FER: variants seen among roughly 807,000 people sequenced by gnomAD.
FER encodes the protein FER tyrosine kinase, also known as tyrosine-protein kinase Fer.
FER carries 63 observed loss-of-function variants against 111.0 expected under a neutral mutation model. The ratio of observed to expected loss-of-function variants is 0.57; its 90% CI spans 0.46 to 0.70. The LOEUF is 0.70. Among genes scored for constraint, FER ranks in the 30% least tolerant of loss-of-function variants. FER has a pLI of 0.00. For synonymous variants in FER, 327 were observed against 313.9 expected, an observed-to-expected ratio of 1.04 and a Z score of -0.44; for missense variants, 914 against 954.0, an observed-to-expected ratio of 0.96 and a Z score of 0.55.
intron 10 of FER, among the ~76,000 whole-genome samples, chr5:108,922,225 T>C (rs1431516823): frequency 6.6e-6 from 1 of 152,200 alleles, no homozygotes; most frequent in Non-Finnish European, 1.5e-5. Context: ...TCCAGAACTG[T>C]AGGAGAGTAA....
intron 17 of FER, among the ~76,000 whole-genome samples, chr5:109,102,764 C>T (rs1199724348): frequency 6.6e-6 from 1 of 152,052 alleles, no homozygotes; most frequent in Non-Finnish European, 1.5e-5. Context: ...TCTTCAGACT[C>T]ATTAAATGCT....
Position 108,958,681 on chromosome 5 carries a change from A to C in FER, c.1534-544A>C, listed in dbSNP as rs1758749334. Among the ~76,000 whole-genome samples the C allele has an allele frequency of 3.9e-5, 6 of 151,996 alleles. No homozygotes were observed. In the South Asian group the frequency reaches 1.2e-3, roughly 31 times the overall value. On this transcript the variant is annotated intron_variant, in intron 12 of 19. Transcript: ENST00000281092. ...GTGTGAATGAGTGTTTTTGGTAATT[A>C]ATAATAAATGAATACTCCACTACAG...
chr5:108,844,644 C>G (rs898598220), intron 5 of FER, among the ~76,000 whole-genome samples: 6 of 152,078 alleles, frequency 3.9e-5, no homozygotes, highest in Admixed American at 1.3e-4. Flanking sequence ...TAATCCCTGT[C>G]TTCCACCTCT....
At chr5:108,891,261 C>T (rs1581074255) in intron 9 of FER, among the ~76,000 whole-genome samples, 1 of 152,054 alleles carries the variant, frequency 6.6e-6, no homozygotes, top group South Asian at 2.1e-4. Context: ...TTTAACTCTG[C>T]ACTCTTTATA....
At chr5:109,060,705 A>G (rs1410257752) in intron 16 of FER, among the ~76,000 whole-genome samples, 1 of 151,936 alleles carries the variant, frequency 6.6e-6, no homozygotes, top group Non-Finnish European at 1.5e-5. Flanking sequence ...AAAAAAAATT[A>G]AAAAATAAGA....
At chr5:108,951,502 G>A (rs1297318566) in intron 11 of FER, among the ~76,000 whole-genome samples, 1 of 151,976 alleles carries the variant, frequency 6.6e-6, no homozygotes, top group Non-Finnish European at 1.5e-5. Context: ...ATTACTCTTT[G>A]TCACCCTAGT....
intron 17 of FER, among the ~76,000 whole-genome samples, chr5:109,119,182 G>C (rs959788657): frequency 2.0e-5 from 3 of 152,112 alleles, no homozygotes; most frequent in African/African-American, 7.2e-5. Flanking sequence ...TGCTTTGAAT[G>C]TGTCTCAGAG....
intron 5 of FER, among the ~76,000 whole-genome samples, chr5:108,836,638 A>G (rs748030152): frequency 4.6e-4 from 70 of 151,910 alleles, no homozygotes; most frequent in Non-Finnish European, 4.9e-4. Context: ...TTTATCTTTC[A>G]TTTGTTAAAC....
intron 16 of FER, among the ~76,000 whole-genome samples, chr5:109,096,426 C>T (rs1383082984): frequency 6.6e-6 from 1 of 151,864 alleles, no homozygotes; most frequent in East Asian, 1.9e-4. Context: ...AGAGGCAAGT[C>T]ACACTACAGG....
intron 10 of FER, among the ~76,000 whole-genome samples, chr5:108,945,624 T>C (rs1031469782): frequency 4.0e-5 from 6 of 151,240 alleles, no homozygotes; most frequent in Non-Finnish European, 8.9e-5. Flanking sequence ...ATCATCATCA[T>C]GTGAATCTTT....
chr5:108,881,480 C>T (rs1049052994), intron 8 of FER, among the ~76,000 whole-genome samples: 2 of 152,102 alleles, frequency 1.3e-5, no homozygotes, highest in African/African-American at 4.8e-5. Context: ...TCTCACAACA[C>T]GTGGAAATTG....
intron 13 of FER, among the ~76,000 whole-genome samples, chr5:108,985,386 C>T (rs2149732215): frequency 6.6e-6 from 1 of 152,106 alleles, no homozygotes; most frequent in East Asian, 1.9e-4. Context: ...GTGCATTTAA[C>T]CTGATAGTCA....
rs200114530 is a variant in FER, at chr5:108,780,224, C to CT, written c.-60+11987dup. On this transcript the variant is annotated intron_variant, in intron 2 of 19. Coordinates refer to ENST00000281092, the MANE Select transcript of FER (RefSeq NM_005246.4). The stretch of plus-strand genomic sequence containing the variant: ...TTATATAGATCTCAATTTCTGACCT[C>CT]TATCATTTTTCTTCCCCCTGAAGAA... Among the ~76,000 whole-genome samples, 958 of 152,232 alleles carry CT rather than the reference C, an allele frequency of 6.3e-3. 14 individuals carry two copies. The highest frequency in any genetic ancestry group is 0.022 in the African/African-American group (918 of 41,556).
chr5:109,127,271 C>T (rs1340399867), intron 17 of FER, among the ~76,000 whole-genome samples: 1 of 152,138 alleles, frequency 6.6e-6, no homozygotes, highest in African/African-American at 2.4e-5. Context: ...TACACTATTT[C>T]ATTAGAACAT....
intron 4 of FER, among the ~76,000 whole-genome samples, chr5:108,834,561 G>A (rs935974956): frequency 1.3e-5 from 2 of 151,958 alleles, no homozygotes; most frequent in African/African-American, 2.4e-5. Flanking sequence ...AGCCAGGTGC[G>A]GTGGTGCACG....
At chr5:109,115,423 C>G (rs760853353) in intron 17 of FER, among the ~76,000 whole-genome samples, 9 of 152,204 alleles carry the variant, frequency 5.9e-5, no homozygotes, top group Non-Finnish European at 7.4e-5. Flanking sequence ...TATTCACCAG[C>G]CTAGGCAGTT....
chr5:108,776,493 A>G (rs867188669), intron 2 of FER, among the ~76,000 whole-genome samples: 1 of 152,166 alleles, frequency 6.6e-6, no homozygotes, highest in Non-Finnish European at 1.5e-5. Context: ...AAAAATTGCC[A>G]GTTGTGGAGG....
intron 13 of FER, among the ~76,000 whole-genome samples, chr5:109,001,380 A>T (rs1217167532): frequency 6.6e-6 from 1 of 152,184 alleles, no homozygotes; most frequent in East Asian, 1.9e-4. Flanking sequence ...CAAAGACAAA[A>T]ACCACATGAT....
intron 16 of FER, among the ~76,000 whole-genome samples, chr5:109,071,536 T>C (rs551599353): frequency 1.3e-5 from 2 of 152,150 alleles, no homozygotes; most frequent in East Asian, 1.9e-4. Context: ...TTTTCATATA[T>C]TGTTCCTATT....
Sources: allele counts gnomAD v4.1 joint callset (sites outside exome capture counted in the v4.1 genomes callset), GRCh38; gene constraint gnomAD v4.1.1; transcripts MANE v1.5; gene names NCBI Gene and HGNC (gene_info 2026-07-23, HGNC 2026-07-21).